Variants in CAB39L observed in about 807,000 individuals in gnomAD.
CAB39L encodes calcium binding protein 39 like, also known as calcium-binding protein 39-like.
Under a neutral mutation model 39.1 loss-of-function variants are expected in CAB39L, and 23 were observed. That is an observed-to-expected ratio of 0.59 (90% CI 0.42 to 0.83). The LOEUF is 0.83. Ranked by LOEUF, CAB39L falls within the 40% of genes least tolerant of loss-of-function variation. The pLI is 0.00. For synonymous variants in CAB39L, 126 were observed against 137.2 expected (o/e 0.92, Z 0.57); for missense variants, 366 against 391.9 (o/e 0.93, Z 0.56).
chr13:49,421,917 AAATAAT>A (rs1019540055), intron 3 of CAB39L, among the ~76,000 whole-genome samples: 1 of 152,084 alleles, frequency 6.6e-6, no homozygotes, highest in African/African-American at 2.4e-5. Flanking sequence ...TACACACAAA[AAATAAT>A]AATAATACAC....
chr13:49,382,894 A>G lies in CAB39L; in HGVS notation c.17T>C (p.Leu6Ser). 6.2e-7 allele frequency: 1 copy of G among 1,607,334 alleles called. No homozygotes were observed. Among genetic ancestry groups the G allele is most frequent in the Non-Finnish European group, 8.5e-7 (1 of 1,175,658 alleles). MKKMP[L>S]FSKSHKNPAE... Reference sequence around the variant, plus strand: ...TGGATTTTTGTGTGATTTACTAAACAAAGGCATTTTTTTCATGTGTAGAAA... The same window carrying G: ...TGGATTTTTGTGTGATTTACTAAACGAAGGCATTTTTTTCATGTGTAGAAA... Residue 6 changes from leucine (L) to serine (S), a missense_variant, in exon 4 of 11, where the codon TTG becomes TCG. Transcript: ENST00000409308.
chr13:49,377,515 C>T lies in CAB39L; in HGVS notation c.112-384G>A, dbSNP rs1449206647. On this transcript the variant is annotated intron_variant, in intron 4 of 10. Coordinates refer to ENST00000409308, the MANE Select transcript of CAB39L (RefSeq NM_001079670.3). ...GCAACCTCCCTGCCTGATTCTCCTG[C>T]CTCAGCCTGCCCAGTGCCTGCCATT... Among the ~76,000 whole-genome samples, 2 of 90,480 alleles carry T rather than the reference C, an allele frequency of 2.2e-5. 1 individual carries two copies. Among genetic ancestry groups the T allele is most frequent in the Non-Finnish European group, 4.5e-5 (2 of 44,924 alleles). The allele number at this position is 90,480 out of a possible 152,430, so 59.4% of individuals were successfully genotyped here.
At chr13:49,422,301 G>A (rs140995958) in intron 3 of CAB39L, among the ~76,000 whole-genome samples, 13 of 152,318 alleles carry the variant, frequency 8.5e-5, no homozygotes, top group African/African-American at 3.1e-4. Flanking sequence ...GGCCGGGCGT[G>A]GTGGCTCACA....
chr13:49,395,448 G>T (rs1371766338), intron 3 of CAB39L, among the ~76,000 whole-genome samples: 1 of 151,894 alleles, frequency 6.6e-6, no homozygotes, highest in East Asian at 1.9e-4. Context: ...TGGCCAGGCT[G>T]GTCTGGAACT....
At chr13:49,331,558 A>AAT (rs1715035000) in intron 10 of CAB39L, among the ~76,000 whole-genome samples, 1 of 152,166 alleles carries the variant, frequency 6.6e-6, no homozygotes, top group Admixed American at 6.5e-5. Flanking sequence ...TAATAATATT[A>AAT]ATAATGTGAG....
At chr13:49,345,435 TC>T (rs899789867) in intron 7 of CAB39L, among the ~76,000 whole-genome samples, 3 of 151,952 alleles carry the variant, frequency 2.0e-5, no homozygotes, top group Admixed American at 6.6e-5. Flanking sequence ...ATGGTGTTTT[TC>T]CCCCCCAGTG....
intron 3 of CAB39L, among the ~76,000 whole-genome samples, chr13:49,427,090 G>A (rs1196599650): frequency 6.6e-6 from 1 of 152,094 alleles, no homozygotes; most frequent in Non-Finnish European, 1.5e-5. Context: ...GCACCTTCAA[G>A]TCTAGTTGGA....
At chr13:49,312,420 T>C (rs916081847) in intron 10 of CAB39L, among the ~76,000 whole-genome samples, 1 of 152,204 alleles carries the variant, frequency 6.6e-6, no homozygotes, top group Non-Finnish European at 1.5e-5. Context: ...TTATGCCATC[T>C]TGTTACTGTA....
At chr13:49,416,044 G>T (rs1157109498) in intron 3 of CAB39L, among the ~76,000 whole-genome samples, 2 of 152,080 alleles carry the variant, frequency 1.3e-5, no homozygotes, top group African/African-American at 4.8e-5. Flanking sequence ...AGCTCACTCA[G>T]GCTTACTCTG....
At chr13:49,346,100 G>GAGATATATAT (rs1555254610) in intron 7 of CAB39L, among the ~76,000 whole-genome samples, 1,004 of 30,908 alleles carry the variant, frequency 0.032, 121 homozygotes, top group Admixed American at 0.054. Context: ...ATATATGCTA[G>GAGATATATAT]ATATATATAT....
Position 49,331,960 on chromosome 13 carries a change from A to G in CAB39L, c.821T>C (p.Phe274Ser). 2 of 1,614,084 alleles carry G rather than the reference A, an allele frequency of 1.2e-6. No homozygotes were observed. ...TGTACTTTTTACCTTAAAAACATGA[A>G]AGGCTTCAAACTGGATGTTGGGACT... ...DKSPNIQFEA[F>S]HVFKVFVASP... Residue 274 changes from phenylalanine (F) to serine (S), a missense_variant, in exon 10 of 11, where the codon TTT becomes TCT. Coordinates refer to ENST00000409308, the MANE Select transcript of CAB39L (RefSeq NM_001079670.3).
intron 5 of CAB39L, among the ~76,000 whole-genome samples, chr13:49,372,758 C>T (rs148856189): frequency 2.0e-5 from 3 of 152,152 alleles, no homozygotes; most frequent in Non-Finnish European, 2.9e-5. Context: ...GCAAGCTCCG[C>T]CTCCTGGGTT....
chr13:49,321,774 T>C (rs180760913), intron 10 of CAB39L, among the ~76,000 whole-genome samples: 106 of 152,334 alleles, frequency 7.0e-4, no homozygotes, highest in African/African-American at 2.4e-3. Context: ...ATCAAAGAAA[T>C]GGGAACGCCT....
At chr13:49,441,784 C>A (rs1186465970) in intron 1 of CAB39L, among the ~76,000 whole-genome samples, 1 of 152,044 alleles carries the variant, frequency 6.6e-6, no homozygotes, top group Non-Finnish European at 1.5e-5. Context: ...CAATGAGATA[C>A]CCCATCATAC....
intron 8 of CAB39L, among the ~76,000 whole-genome samples, chr13:49,340,932 T>C (rs891243449): frequency 3.3e-5 from 5 of 152,182 alleles, no homozygotes; most frequent in Admixed American, 3.3e-4. Flanking sequence ...AAGTGATATA[T>C]GGATGTAAAA....
At chr13:49,356,998 G>T (rs546617557) in intron 6 of CAB39L, among the ~76,000 whole-genome samples, 1 of 148,190 alleles carries the variant, frequency 6.7e-6, no homozygotes, top group African/African-American at 2.5e-5. Flanking sequence ...GCAGTGAGCC[G>T]AGATCACGCC....
intron 6 of CAB39L, among the ~76,000 whole-genome samples, chr13:49,356,941 C>T (rs1043251998): frequency 1.3e-5 from 2 of 151,222 alleles, no homozygotes; most frequent in Non-Finnish European, 2.9e-5. Context: ...CCCAGCTACT[C>T]AGGAGGCTGA....
intron 7 of CAB39L, among the ~76,000 whole-genome samples, chr13:49,349,665 T>C (rs1436029024): frequency 6.6e-6 from 1 of 152,064 alleles, no homozygotes; most frequent in African/African-American, 2.4e-5. Context: ...AGTTTTCTTA[T>C]AATTATTATC....
At chr13:49,342,673 CA>C (rs1303194158) in intron 8 of CAB39L, among the ~76,000 whole-genome samples, 1 of 152,132 alleles carries the variant, frequency 6.6e-6, no homozygotes, top group African/African-American at 2.4e-5. Flanking sequence ...GGATGAGGAT[CA>C]GAGACTCCCC....
Sources: allele counts gnomAD v4.1 joint callset (sites outside exome capture counted in the v4.1 genomes callset), GRCh38; gene constraint gnomAD v4.1.1; transcripts MANE v1.5; gene names NCBI Gene and HGNC (gene_info 2026-07-23, HGNC 2026-07-21).